Variants in ZNF407 observed in about 807,000 individuals in gnomAD.
ZNF407 encodes the protein zinc finger protein 407.
A neutral mutation model predicts 131.2 loss-of-function variants in ZNF407; 17 were observed. The ratio of observed to expected loss-of-function variants is 0.13; its 90% CI spans 0.09 to 0.19. ZNF407 has a LOEUF of 0.19. ZNF407 is among the 10% of genes least tolerant of loss of function. The pLI is 1.00. For missense variants in ZNF407, 2,681 were observed against 2,830.6 expected, an observed-to-expected ratio of 0.95 and a Z score of 1.20; for synonymous variants, 1,156 against 1,062.0, an observed-to-expected ratio of 1.09 and a Z score of -1.72.
intron 3 of ZNF407, among the ~76,000 whole-genome samples, chr18:74,742,815 C>A (rs1968580964): frequency 1.3e-5 from 2 of 152,074 alleles, no homozygotes; most frequent in Non-Finnish European, 2.9e-5. Flanking sequence ...CTCATAAATT[C>A]TGTGGTCTGG....
intron 4 of ZNF407, among the ~76,000 whole-genome samples, chr18:74,819,285 C>G (rs1326273947): frequency 1.3e-5 from 2 of 152,072 alleles, no homozygotes; most frequent in Non-Finnish European, 2.9e-5. Flanking sequence ...GCTTTTTGCC[C>G]TTCCCTACAT....
chr18:75,012,698 C>A (rs1972994574), intron 8 of ZNF407, among the ~76,000 whole-genome samples: 1 of 151,052 alleles, frequency 6.6e-6, no homozygotes. Context: ...CTTTTTTTCC[C>A]CAACTTTGTT....
intron 3 of ZNF407, among the ~76,000 whole-genome samples, chr18:74,661,271 C>A (rs536554186): frequency 1.3e-5 from 2 of 151,930 alleles, no homozygotes; most frequent in African/African-American, 4.8e-5. Flanking sequence ...ATGTTGTACA[C>A]ACAGTAAATT....
At chr18:74,872,269 A>G (rs1244005230) in intron 4 of ZNF407, among the ~76,000 whole-genome samples, 1 of 151,550 alleles carries the variant, frequency 6.6e-6, no homozygotes, top group Non-Finnish European at 1.5e-5. Flanking sequence ...TTTTGTTGCA[A>G]CATTTTATAT....
Position 74,634,744 on chromosome 18 carries a change from G to T in ZNF407, c.3725G>T (p.Gly1242Val). 6.2e-7 allele frequency: 1 copy of T among 1,614,064 alleles called. No homozygotes were observed. The highest frequency in any genetic ancestry group is 8.5e-7 in the Non-Finnish European group (1 of 1,179,900). Residue 1242 changes from glycine (G) to valine (V), a missense_variant, in exon 2 of 9, where the codon GGT (glycine) becomes GTT (valine). Physicochemically the swap from Gly to Val is moderately radical, Grantham distance 109. This residue lies in a region of ZNF407 where 1,789 missense variants were observed against 1,748.7 expected (regional missense o/e 1.02). Transcript: ENST00000299687. ...GEGGNAGDGG[G>V]VVPHRHLCPV... ...GGAGGAAACGCAGGAGACGGTGGAG[G>T]TGTTGTCCCCCACAGACACCTGTGC...
intron 3 of ZNF407, among the ~76,000 whole-genome samples, chr18:74,748,602 T>G (rs1266847298): frequency 1.3e-5 from 2 of 152,156 alleles, no homozygotes; most frequent in African/African-American, 4.8e-5. Flanking sequence ...AGGGAAAAAT[T>G]TCTTCCAATC....
At chr18:74,986,808 C>T (rs986625170) in intron 8 of ZNF407, among the ~76,000 whole-genome samples, 3 of 152,152 alleles carry the variant, frequency 2.0e-5, no homozygotes, top group African/African-American at 4.8e-5. Context: ...ATGCCGTATC[C>T]TGTATATTCC....
intron 3 of ZNF407, among the ~76,000 whole-genome samples, chr18:74,646,961 C>T (rs1308438212): frequency 6.6e-6 from 1 of 152,092 alleles, no homozygotes; most frequent in Non-Finnish European, 1.5e-5. Context: ...ATTCCATGGC[C>T]AGTAAGTATG....
intron 4 of ZNF407, among the ~76,000 whole-genome samples, chr18:74,873,179 G>T (rs1971111399): frequency 6.6e-6 from 1 of 152,166 alleles, no homozygotes; most frequent in African/African-American, 2.4e-5. Context: ...TCATAATTCA[G>T]TTCCCTACTT....
intron 8 of ZNF407, chr18:75,062,660 A>G (rs561008339): frequency 2.6e-5 from 4 of 152,594 alleles, no homozygotes; most frequent in South Asian, 2.1e-4. Flanking sequence ...AAAATTTAAT[A>G]TGCAAGGCTT....
At chr18:74,971,175 G>A (rs1397376747) in intron 8 of ZNF407, among the ~76,000 whole-genome samples, 1 of 152,158 alleles carries the variant, frequency 6.6e-6, no homozygotes, top group Non-Finnish European at 1.5e-5. Context: ...ACCATTTTTT[G>A]CCTCTGGACC....
chr18:74,828,118 C>T (rs936282376), intron 4 of ZNF407, among the ~76,000 whole-genome samples: 14 of 152,270 alleles, frequency 9.2e-5, no homozygotes, highest in African/African-American at 2.9e-4. Flanking sequence ...ATGCTTCCTT[C>T]GCGGCCTGTT....
intron 7 of ZNF407, among the ~76,000 whole-genome samples, chr18:74,893,365 AT>A (rs1386765373): frequency 1.3e-5 from 2 of 152,188 alleles, no homozygotes; most frequent in African/African-American, 4.8e-5. Context: ...ATGAAAGTAA[AT>A]GGTTTGAACA....
At chr18:74,708,383 A>G (rs1285411597) in intron 3 of ZNF407, among the ~76,000 whole-genome samples, 1 of 152,184 alleles carries the variant, frequency 6.6e-6, no homozygotes, top group Non-Finnish European at 1.5e-5. Flanking sequence ...TGGTAATCCC[A>G]TCAGTTACTG....
At chr18:74,640,549 C>T (rs1278633) in intron 2 of ZNF407, among the ~76,000 whole-genome samples, 29,230 of 151,656 alleles carry the variant, frequency 0.19, 3,520 homozygotes, top group African/African-American at 0.35. Context: ...AATTCAAAGC[C>T]GGAGAAATAT....
intron 4 of ZNF407, among the ~76,000 whole-genome samples, chr18:74,867,130 G>A (rs1369592701): frequency 6.6e-6 from 1 of 151,998 alleles, no homozygotes; most frequent in Non-Finnish European, 1.5e-5. Flanking sequence ...TAAATACACT[G>A]GTGTCAGTTA....
chr18:74,889,106 TG>T (rs1301822197), intron 6 of ZNF407, among the ~76,000 whole-genome samples: 1 of 152,208 alleles, frequency 6.6e-6, no homozygotes, highest in African/African-American at 2.4e-5. Context: ...AGTAGCATGC[TG>T]TACAGGTTTG....
At chr18:74,821,739 A>T (rs1262797267) in intron 4 of ZNF407, among the ~76,000 whole-genome samples, 1 of 152,146 alleles carries the variant, frequency 6.6e-6, no homozygotes, top group Non-Finnish European at 1.5e-5. Flanking sequence ...ATATGTGTGC[A>T]TGTGTCTTTA....
chr18:74,946,122 A>G (rs1234823766), intron 8 of ZNF407, among the ~76,000 whole-genome samples: 1 of 152,240 alleles, frequency 6.6e-6, no homozygotes, highest in Admixed American at 6.5e-5. Flanking sequence ...TACTATCTAG[A>G]GGTACATAAC....
Sources: gnomAD v4.1 joint callset for allele counts (sites outside exome capture counted in the v4.1 genomes callset) on GRCh38, gnomAD v4.1.1 for gene constraint, gnomAD v4.1.1 regional missense constraint, MANE v1.5 for transcripts, NCBI Gene and HGNC (gene_info 2026-07-23, HGNC 2026-07-21) for gene names.